LAMC2: variants seen among roughly 807,000 people sequenced by gnomAD.
The protein encoded by LAMC2 is laminin subunit gamma 2, also known as laminin subunit gamma-2.
LAMC2 carries 97 observed loss-of-function variants against 140.2 expected under a neutral mutation model. The ratio of observed to expected loss-of-function variants is 0.69; its 90% CI spans 0.59 to 0.82. The LOEUF (loss-of-function observed/expected upper bound fraction) is 0.82. Among genes scored for constraint, LAMC2 ranks in the 40% least tolerant of loss-of-function variants. LAMC2 has a pLI of 0.00. For missense variants in LAMC2, 1,402 were observed against 1,476.1 expected, an observed-to-expected ratio of 0.95 and a Z score of 0.82; for synonymous variants, 513 against 540.2, an observed-to-expected ratio of 0.95 and a Z score of 0.70.
At position 183,194,250 on chromosome 1, in the gene LAMC2, G is replaced by GA. The variant is rs112301239; in HGVS notation, c.79+7836dup. Among the ~76,000 whole-genome samples the GA allele has an allele frequency of 8.6e-3, 1,145 of 132,712 alleles. 6 individuals are homozygous for GA. Among genetic ancestry groups the GA allele is most frequent in the Middle Eastern group, 0.017 (4 of 242 alleles). The allele number at this position is 132,712 out of a possible 152,430, so 87.1% of individuals were successfully genotyped here. A position where few individuals can be genotyped will look rare whatever the true frequency, so the allele number is the denominator to read the frequency against. ...TACAGTTTTAATTCATCTTTTTTCT[G>GA]AAAAAAAAAAAAAAAAATCTGTAAG... On this transcript the variant is annotated intron_variant, in intron 1 of 22. Transcript: ENST00000264144.
Position 183,238,315 on chromosome 1 carries a change from T to A in LAMC2, c.2763T>A (p.Asp921Glu). 2 of 1,613,618 alleles carry A rather than the reference T, an allele frequency of 1.2e-6. No homozygotes were observed. The highest frequency in any genetic ancestry group is 2.2e-5 in the South Asian group (2 of 91,078). The change falls in exon 19 of 23, where the codon GAT (aspartate) becomes GAA (glutamate). Residue 921 changes from aspartate (D) to glutamate (E), a missense_variant. Around this residue, in one of 3 missense-constraint regions of LAMC2, gnomAD observed 670 missense variants for 667.2 expected, o/e 1.00. Coordinates refer to ENST00000264144, the MANE Select transcript of LAMC2 (RefSeq NM_005562.3). ...TATCTGCCTTTTTACAGAAATCAGA[T>A]CAGCTGCTTTCCCGTGCCAATCTTG... ...QNGKSGREKSDQLLSRANLAK... is the reference protein window; with the variant it reads ...QNGKSGREKSEQLLSRANLAK...
chr1:183,224,798 G>A (rs1312764778), intron 7 of LAMC2, among the ~76,000 whole-genome samples: 1 of 151,854 alleles, frequency 6.6e-6, no homozygotes, highest in African/African-American at 2.4e-5. Flanking sequence ...CTTTGTATTA[G>A]CCTTCTCAGA....
In LAMC2 at chr1:183,186,283, G is replaced by C; in HGVS notation, c.-70G>C. On this transcript the variant is annotated 5_prime_UTR_variant, in exon 1 of 23. Transcript: ENST00000264144. ...GAAGGCACAGCGGAGCGCAGAGTGA[G>C]AACCACCAACCGAGGCGCCGGGCAG... is the stretch of plus-strand genomic sequence containing the variant. The C allele has an allele frequency of 6.5e-7, 1 of 1,536,954 alleles. No homozygotes were observed. Among genetic ancestry groups the C allele is most frequent in the Non-Finnish European group, 8.7e-7 (1 of 1,146,398 alleles).
rs750699876 is a variant in LAMC2, at chr1:183,220,925, T to C, written c.604T>C (p.Tyr202His). 2 of 1,614,076 alleles carry C rather than the reference T, an allele frequency of 1.2e-6. No homozygotes were observed. The highest frequency in any genetic ancestry group is 1.3e-5 in the African/African-American group (1 of 74,940). The change falls in exon 5 of 23, where the codon TAC (tyrosine) becomes CAC (histidine). Residue 202 changes from tyrosine to histidine, a missense_variant. Coordinates refer to ENST00000264144, the MANE Select transcript of LAMC2 (RefSeq NM_005562.3). Reference protein sequence around the residue: ...HSASCRSSAEYSVHKITSTFH... With the variant: ...HSASCRSSAEHSVHKITSTFH... ...AGCCAGCTGCCGCAGCTCTGCAGAA[T>C]ACAGTGTCCATAAGATCACCTCTAC...
rs756473205 is a variant in LAMC2, at chr1:183,222,070, G to A, written c.641-19G>A. On this transcript the variant is annotated intron_variant, in intron 5 of 22. Transcript: ENST00000264144. Reference sequence around the variant, plus strand: ...GATGAGGGCTTGTCCAATGCAGACTGATTATGTTTGTGTTCCAGATGTTGA... The same window carrying A: ...GATGAGGGCTTGTCCAATGCAGACTAATTATGTTTGTGTTCCAGATGTTGA... 5.6e-6 allele frequency: 9 copies of A among 1,614,020 alleles called. No homozygotes were observed. Among genetic ancestry groups the A allele is most frequent in the Non-Finnish European group, 7.6e-6 (9 of 1,179,996 alleles).
the LAMC2 span, chr1:183,251,631 T>C: frequency 1.3e-5 from 2 of 152,586 alleles, no homozygotes; most frequent in African/African-American, 4.8e-5. Context: ...CCCTGGCTGG[T>C]AGGGAACCCG....
intron 4 of LAMC2, among the ~76,000 whole-genome samples, chr1:183,218,799 A>T (rs1659367963): frequency 6.6e-6 from 1 of 152,192 alleles, no homozygotes; most frequent in Non-Finnish European, 1.5e-5. Context: ...GGTGCTCTGT[A>T]TGAGGCAGTA....
Position 183,243,228 on chromosome 1 carries a change from A to G in LAMC2, c.3410A>G (p.Gln1137Arg). Residue 1137 changes from glutamine (Q) to arginine (R), a missense_variant, in exon 23 of 23, where the codon CAA becomes CGA. Gln to Arg is a conservative substitution (Grantham distance 43, BLOSUM62 1). Coordinates refer to ENST00000264144, the MANE Select transcript of LAMC2 (RefSeq NM_005562.3). The part of the protein sequence containing the change: ...LSRAKTQINS[Q>R]LRPMMSELEE... ...CGAGCCAAGACCCAGATCAACAGCC[A>G]ACTGCGGCCCATGATGTCAGAGCTG... 6.2e-7 allele frequency: 1 copy of G among 1,614,134 alleles called. No individual in the cohort carries two copies. The highest frequency in any genetic ancestry group is 8.5e-7 in the Non-Finnish European group (1 of 1,180,014).
In LAMC2 at chr1:183,240,498, A is replaced by G. The variant is rs644673; in HGVS notation, c.3328+107A>G. Reference sequence around the variant, plus strand: ...CAAAGGGGAGTCTCAGCTTTCCTTAAGGATATCAGTAAATGTGCTTTGTTT... The same window carrying G: ...CAAAGGGGAGTCTCAGCTTTCCTTAGGGATATCAGTAAATGTGCTTTGTTT... On this transcript the variant is annotated intron_variant, in intron 22 of 22. Transcript: ENST00000264144. 10,153 of 1,516,294 alleles carry G rather than the reference A, an allele frequency of 6.7e-3. 518 individuals are homozygous for G. In the African/African-American group the frequency reaches 0.12, roughly 18 times the overall value. The allele number at this position is 1,516,294 out of a possible 1,614,324, so 93.9% of individuals were successfully genotyped here.
In LAMC2 at chr1:183,243,914, G is replaced by A. The variant is rs1421736515; in HGVS notation, c.*514G>A. The A allele has an allele frequency of 2.1e-5, 4 of 187,178 alleles. No homozygotes were observed. The highest frequency in any genetic ancestry group is 7.1e-5 in the African/African-American group (3 of 42,256). 11.6% of individuals were successfully genotyped at this position (187,178 alleles called of 1,614,324 possible). A position where few individuals can be genotyped will look rare whatever the true frequency, so the allele number is the denominator to read the frequency against. On this transcript the variant is annotated 3_prime_UTR_variant, in exon 23 of 23. Transcript: ENST00000264144. ...CTCTGCAAGCTTCTTGCTGATCAGA[G>A]TTCCTCCTACTTACAACCCAGGGTG...
intron 2 of LAMC2, 144 bp downstream of exon 2, chr1:183,208,213 ATGTT>A: frequency 2.6e-6 from 2 of 780,578 alleles, no homozygotes; most frequent in Non-Finnish European, 4.3e-6. Context: ...CAAGAGGGAG[ATGTT>A]CAACCTCACC....
intron 4 of LAMC2, 52 bp from the exon 5 acceptor site, chr1:183,220,773 T>G: frequency 5.1e-6 from 8 of 1,566,262 alleles, no homozygotes; most frequent in Non-Finnish European, 7.0e-6. Context: ...ATATTTTTTC[T>G]ATAGAATAAA....
chr1:183,246,646 C>G (rs1041473153), downstream of LAMC2, among the ~76,000 whole-genome samples: 7 of 152,192 alleles, frequency 4.6e-5, no homozygotes, highest in African/African-American at 1.7e-4. Flanking sequence ...TCAGTACTCT[C>G]CAGTACTTCT....
rs765653559 is a variant in LAMC2 at position 183,232,341 on chromosome 1, A to T, written c.2012A>T (p.Glu671Val). 3 of 1,613,822 alleles carry T rather than the reference A, an allele frequency of 1.9e-6. No homozygotes were observed. Among genetic ancestry groups the T allele is most frequent in the East Asian group, 2.2e-5 (1 of 44,890 alleles). Residue 671 changes from glutamate to valine, a missense_variant and splice_region_variant, in exon 13 of 23, where the codon GAA becomes GTA. Glu to Val is a moderately radical substitution (Grantham distance 121). Transcript: ENST00000264144. The stretch of plus-strand genomic sequence containing the variant: ...ATTCTGAGAGATGCCCAGATTTCAG[A>T]AGGTGATGAAGGCCAACTTCCCTTC... ...QDILRDAQISEGASRSLGLQL... is the reference protein window; with the variant it reads ...QDILRDAQISVGASRSLGLQL...
At chr1:183,218,990 A>G (rs1330703140) in intron 4 of LAMC2, among the ~76,000 whole-genome samples, 1 of 152,204 alleles carries the variant, frequency 6.6e-6, no homozygotes, top group Non-Finnish European at 1.5e-5. Context: ...ATGAATGGGC[A>G]TGGGGCTGGG....
chr1:183,225,053 G>A (rs1659585434), intron 7 of LAMC2, among the ~76,000 whole-genome samples: 1 of 120,468 alleles, frequency 8.3e-6, no homozygotes, highest in Non-Finnish European at 1.6e-5. Context: ...GGTTGTTCCT[G>A]GATGAGTAAA....
intron 1 of LAMC2, among the ~76,000 whole-genome samples, chr1:183,192,077 A>C (rs377735972): frequency 1.3e-5 from 2 of 152,200 alleles, no homozygotes; most frequent in Admixed American, 6.5e-5. Context: ...GTAATTCCCC[A>C]AAAAGCATCT....
the LAMC2 span, among the ~76,000 whole-genome samples, chr1:183,254,238 A>G: frequency 3.9e-5 from 6 of 152,152 alleles, no homozygotes; most frequent in East Asian, 1.2e-3. Context: ...CCACACCCTC[A>G]TCGACATTTG....
chr1:183,191,672 A>G (rs1477919985), intron 1 of LAMC2, among the ~76,000 whole-genome samples: 4 of 152,158 alleles, frequency 2.6e-5, no homozygotes, highest in East Asian at 3.9e-4. Context: ...AGCTTGGTCA[A>G]CATGGTGAAA....
Sources: gnomAD v4.1 joint callset for allele counts (sites outside exome capture counted in the v4.1 genomes callset) on GRCh38, gnomAD v4.1.1 for gene constraint, gnomAD v4.1.1 regional missense constraint, MANE v1.5 for transcripts, NCBI Gene and HGNC (gene_info 2026-07-23, HGNC 2026-07-21) for gene names.